VPS13C: variants seen among roughly 807,000 people sequenced by gnomAD.
VPS13C encodes the protein vacuolar protein sorting 13 homolog C.
Under a neutral mutation model 456.8 loss-of-function variants are expected in VPS13C, and 358 were observed. The observed-to-expected ratio is 0.78, with a 90% confidence interval of 0.72 to 0.86. VPS13C has a LOEUF of 0.86. Ranked by LOEUF, VPS13C falls within the 40% of genes least tolerant of loss-of-function variation. The pLI is 0.00. For synonymous variants in VPS13C, 1,578 were observed against 1,486.7 expected (o/e 1.06, Z -1.41); for missense variants, 4,818 against 4,385.4 (o/e 1.10, Z -2.79).
chr15:61,955,120 A>G (rs764580644), intron 37 of VPS13C, among the ~76,000 whole-genome samples: 3 of 152,126 alleles, frequency 2.0e-5, no homozygotes, highest in Non-Finnish European at 2.9e-5. Flanking sequence ...AAATTCGTAC[A>G]CCCTGAAATG....
intron 3 of VPS13C, among the ~76,000 whole-genome samples, chr15:62,040,073 T>TG (rs1040634763): frequency 6.6e-6 from 1 of 152,108 alleles, no homozygotes; most frequent in Non-Finnish European, 1.5e-5. Context: ...TGGATGGAAC[T>TG]GGGGGTCATT....
intron 3 of VPS13C, among the ~76,000 whole-genome samples, chr15:62,036,514 A>T (rs2048005186): frequency 6.6e-6 from 1 of 152,024 alleles, no homozygotes; most frequent in South Asian, 2.1e-4. Flanking sequence ...GAATTTCTTA[A>T]ATGGCTTGCA....
intron 47 of VPS13C, among the ~76,000 whole-genome samples, chr15:61,937,513 C>T (rs1434838671): frequency 6.6e-6 from 1 of 152,122 alleles, no homozygotes; most frequent in Non-Finnish European, 1.5e-5. Flanking sequence ...CTCGCTCTGT[C>T]GCCCAGGCTA....
In VPS13C at chr15:62,030,754, AACAGGAAGTCCTAGATAATGCCTTATGT is replaced by A. The variant is rs577206067; in HGVS notation, c.386-2362_386-2335del. ...GAGAAGTAAACTCCGTGACTACCAT[AACAGGAAGTCCTAGATAATGCCTTATGT>A]TAATGAACTAGATTAATGACAGAAT... On this transcript the variant is annotated intron_variant, in intron 5 of 84. Transcript: ENST00000644861. Among the ~76,000 whole-genome samples, 75 of 152,248 alleles carry A rather than the reference AACAGGAAGTCCTAGATAATGCCTTATGT, an allele frequency of 4.9e-4. 1 individual carries two copies. The South Asian group carries it at 0.016, about 32-fold the overall frequency.
intron 5 of VPS13C, among the ~76,000 whole-genome samples, chr15:62,030,930 G>C (rs2047794717): frequency 6.6e-6 from 1 of 152,064 alleles, no homozygotes. Flanking sequence ...TTTCAAGTGT[G>C]TGTACATATT....
At chr15:62,001,696 G>A (rs1055967480) in intron 15 of VPS13C, among the ~76,000 whole-genome samples, 1 of 152,090 alleles carries the variant, frequency 6.6e-6, no homozygotes, top group Non-Finnish European at 1.5e-5. Flanking sequence ...AGTCCCCAGA[G>A]TGTGATGTTC....
intron 2 of VPS13C, 41 bp from the exon 3 acceptor site, chr15:62,041,407 T>A (rs767530895): frequency 6.4e-7 from 1 of 1,568,758 alleles, no homozygotes; most frequent in Admixed American, 2.1e-5. Context: ...TCTTAAATTA[T>A]GAAGCCAACC....
chr15:61,962,770 A>T lies in VPS13C; in HGVS notation c.3414T>A (p.Asp1138Glu). ...RLENIIVTDV[D>E]PKTVHKKAVS... ...CTACTTTCTTATGAACTGTCTTTGG[A>T]TCAACATCTGTGACAATAATATTTT... The change falls in exon 33 of 85, where the codon GAT becomes GAA. Residue 1138 changes from aspartate to glutamate, a missense_variant. Physicochemically the swap from Asp to Glu is conservative, Grantham distance 45. Coordinates refer to ENST00000644861, the MANE Select transcript of VPS13C (RefSeq NM_020821.3). 1.2e-6 allele frequency: 2 copies of T among 1,605,246 alleles called. No homozygotes were observed. Among genetic ancestry groups the T allele is most frequent in the South Asian group, 2.2e-5 (2 of 89,426 alleles).
chr15:62,028,260 T>C, intron 6 of VPS13C, 98 bp downstream of exon 6: 3 of 1,309,536 alleles, frequency 2.3e-6, no homozygotes, highest in Non-Finnish European at 3.3e-6. Context: ...CCATATTTTC[T>C]AAAAGGATGG....
In VPS13C at chr15:61,967,320, A is replaced by T. The variant is rs752326575; in HGVS notation, c.2991+48T>A. On this transcript the variant is annotated intron_variant, in intron 29 of 84. Coordinates refer to ENST00000644861, the MANE Select transcript of VPS13C (RefSeq NM_020821.3). Reference sequence around the variant, plus strand: ...ACTGTCATATTCTTCCTTCCAGAGAAATAGTTTGGAGTAAACAATAAATAT... The same window carrying T: ...ACTGTCATATTCTTCCTTCCAGAGATATAGTTTGGAGTAAACAATAAATAT... 3 of 1,473,026 alleles carry T rather than the reference A, an allele frequency of 2.0e-6. No individual in the cohort carries two copies. In the South Asian group the frequency reaches 3.5e-5, roughly 17 times the overall value. The allele number at this position is 1,473,026 out of a possible 1,614,324, so 91.2% of individuals were successfully genotyped here.
chr15:61,931,440 A>G (rs1273064345), intron 49 of VPS13C, among the ~76,000 whole-genome samples, 181 bp from the exon 50 acceptor site: 1 of 152,204 alleles, frequency 6.6e-6, no homozygotes, highest in Non-Finnish European at 1.5e-5. Context: ...ATACCTGTAC[A>G]TACAAATAAA....
At chr15:61,868,542 A>G in intron 81 of VPS13C, 117 bp downstream of exon 81, 2 of 785,914 alleles carry the variant, frequency 2.5e-6, no homozygotes, top group Non-Finnish European at 4.1e-6. Flanking sequence ...TCTAGAAACT[A>G]TGTATAATAC....
intron 66 of VPS13C, among the ~76,000 whole-genome samples, chr15:61,898,199 G>A (rs1241866311): frequency 1.3e-5 from 2 of 151,434 alleles, no homozygotes; most frequent in East Asian, 1.9e-4. Context: ...ATCAACTAAC[G>A]AGCAAAATCA....
At chr15:61,878,343 TA>T (rs1286768640) in intron 74 of VPS13C, among the ~76,000 whole-genome samples, 1 of 151,822 alleles carries the variant, frequency 6.6e-6, no homozygotes, top group Admixed American at 6.6e-5. Flanking sequence ...AATATATGAC[TA>T]AAAAATTCAA....
intron 5 of VPS13C, among the ~76,000 whole-genome samples, chr15:62,031,319 G>A (rs553744762): frequency 1.8e-4 from 27 of 151,910 alleles, no homozygotes; most frequent in Admixed American, 6.6e-4. Flanking sequence ...CTATACATGT[G>A]CAATGGTGCT....
chr15:61,915,836 C>A lies in VPS13C; in HGVS notation c.8242G>T (p.Val2748Leu). The change falls in exon 61 of 85, where the codon GTG (valine) becomes TTG (leucine). Residue 2748 changes from valine (V) to leucine (L), a missense_variant. Val to Leu is a conservative substitution (Grantham distance 32). This residue lies in a region of VPS13C where 4,552 missense variants were observed against 4,130.6 expected (regional missense o/e 1.10). Transcript: ENST00000644861. ...PVCFSSDSTE[V>L]TTVDLSVHVR... ...TGGACTGACAGGTCGACTGTCGTCA[C>A]TTCTGTGGAGTCAGAAGAAAAACAC... The A allele has an allele frequency of 2.5e-6, 4 of 1,614,044 alleles. No homozygotes were observed. Among genetic ancestry groups the A allele is most frequent in the Non-Finnish European group, 3.4e-6 (4 of 1,180,014 alleles).
chr15:61,928,923 G>A (rs984355509), intron 51 of VPS13C, among the ~76,000 whole-genome samples: 2 of 150,288 alleles, frequency 1.3e-5, no homozygotes, highest in Admixed American at 6.7e-5. Context: ...GAGGAGAGGA[G>A]AGAACAGGAA....
At chr15:61,959,212 C>T (rs905986041) in intron 36 of VPS13C, among the ~76,000 whole-genome samples, 2 of 151,996 alleles carry the variant, frequency 1.3e-5, no homozygotes, top group Admixed American at 1.3e-4. Flanking sequence ...TATGCTAATA[C>T]ATAATTTATA....
chr15:61,872,154 C>T (rs1370443515), intron 78 of VPS13C, 120 bp from the exon 79 acceptor site: 3 of 737,960 alleles, frequency 4.1e-6, no homozygotes, highest in South Asian at 2.0e-5. Flanking sequence ...AAATTGAAGA[C>T]TTAACTTGAT....
Sources: allele counts gnomAD v4.1 joint callset (sites outside exome capture counted in the v4.1 genomes callset), GRCh38; gene constraint gnomAD v4.1.1; regional missense constraint gnomAD v4.1.1; transcripts MANE v1.5; gene names NCBI Gene and HGNC (gene_info 2026-07-23, HGNC 2026-07-21).